PRKCB: variants seen among roughly 807,000 people sequenced by gnomAD.
PRKCB encodes the protein protein kinase C beta, also known as protein kinase C beta type.
PRKCB carries 13 observed loss-of-function variants against 81.5 expected under a neutral mutation model. That is an observed-to-expected ratio of 0.16 (90% CI 0.10 to 0.25). The LOEUF is 0.25. PRKCB is among the 10% of genes least tolerant of loss of function. The pLI is 1.00. For missense variants in PRKCB, 509 were observed against 875.7 expected, an observed-to-expected ratio of 0.58 and a Z score of 5.29; for synonymous variants, 335 against 321.4, an observed-to-expected ratio of 1.04 and a Z score of -0.45.
intron 3 of PRKCB, among the ~76,000 whole-genome samples, chr16:23,991,690 G>A (rs1388300123): frequency 6.6e-6 from 1 of 152,214 alleles, no homozygotes; most frequent in African/African-American, 2.4e-5. Flanking sequence ...TCAAGAACCT[G>A]TTTCTCCCCT....
chr16:24,059,825 G>A (rs1441130950), intron 5 of PRKCB, among the ~76,000 whole-genome samples: 1 of 152,200 alleles, frequency 6.6e-6, no homozygotes, highest in Non-Finnish European at 1.5e-5. Context: ...ATAAACACGA[G>A]GCTAAGAATT....
intron 2 of PRKCB, among the ~76,000 whole-genome samples, chr16:23,932,417 T>A (rs1020031378): frequency 6.6e-6 from 1 of 152,208 alleles, no homozygotes. Context: ...GAGGAACCTA[T>A]GCATTTCCTA....
rs536990212 is a variant in PRKCB, at chr16:24,035,298, T to C, written c.401-121T>C. The C allele has an allele frequency of 1.9e-4, 245 of 1,318,004 alleles. 2 individuals are homozygous for C. In the East Asian group the frequency reaches 5.8e-3, roughly 31 times the overall value. 81.6% of individuals were successfully genotyped at this position (1,318,004 alleles called of 1,614,324 possible). A position where few individuals can be genotyped will look rare whatever the true frequency, so the allele number is the denominator to read the frequency against. ...GGCAAGTTGGTCTCAGCCAGGCTCG[T>C]GTGTCTCAGCTGTCTCAAAGGAGGG... On this transcript the variant is annotated intron_variant, in intron 4 of 16. Coordinates refer to ENST00000643927, the MANE Select transcript of PRKCB (RefSeq NM_002738.7).
At position 23,846,608 on chromosome 16, in the gene PRKCB, CAA is replaced by C. The variant is rs33919504; in HGVS notation, c.205+9225_205+9226del. 8.5e-3 allele frequency among the ~76,000 whole-genome samples: 553 copies of C among 65,318 alleles called. 3 individuals carry two copies. Among genetic ancestry groups the C allele is most frequent in the African/African-American group, 0.029 (487 of 16,622 alleles). The allele number at this position is 65,318 out of a possible 152,430, so 42.9% of individuals were successfully genotyped here. A position where few individuals can be genotyped will look rare whatever the true frequency, so the allele number is the denominator to read the frequency against. Reference sequence around the variant, plus strand: ...CTGGCGACAGAGCGAGACTCCGTCTCAAAAAAAAAAAAAAAAAAAAAAAAGTT... The same window carrying C: ...CTGGCGACAGAGCGAGACTCCGTCTCAAAAAAAAAAAAAAAAAAAAAAGTT... On this transcript the variant is annotated intron_variant, in intron 2 of 16. Transcript: ENST00000643927.
chr16:24,026,886 C>T (rs1033752330), intron 3 of PRKCB, among the ~76,000 whole-genome samples: 22 of 152,264 alleles, frequency 1.4e-4, no homozygotes, highest in Admixed American at 3.3e-4. Flanking sequence ...CTGGCCAATC[C>T]GTGTCTTGGA....
chr16:24,165,889 T>TC (rs1271149403), intron 10 of PRKCB, among the ~76,000 whole-genome samples: 12 of 132,184 alleles, frequency 9.1e-5, no homozygotes, highest in Admixed American at 4.3e-4. Context: ...CTTTCTTTTT[T>TC]TTTTTTTTTT....
Position 24,093,025 on chromosome 16 carries a change from C to T in PRKCB, c.686+78C>T, listed in dbSNP as rs948066479. ...CACCTGAAATCAGGGAGTTCCTCCTCCCTTAGCTCCTGTTTCCTTCCTTCC... is the reference window on the plus strand; with the variant it reads ...CACCTGAAATCAGGGAGTTCCTCCTTCCTTAGCTCCTGTTTCCTTCCTTCC... On this transcript the variant is annotated intron_variant, in intron 6 of 16. Transcript: ENST00000643927. The T allele has an allele frequency of 3.5e-6, 5 of 1,446,800 alleles. No homozygotes were observed. In the Admixed American group the frequency reaches 5.9e-5, roughly 17 times the overall value. 89.6% of individuals were successfully genotyped at this position (1,446,800 alleles called of 1,614,324 possible).
At chr16:24,185,613 C>T in intron 15 of PRKCB, 46 bp downstream of exon 15, 1 of 1,501,220 alleles carries the variant, frequency 6.7e-7, no homozygotes, top group Non-Finnish European at 9.3e-7. Flanking sequence ...CACATAAAGG[C>T]ATGTGGGCTG....
intron 2 of PRKCB, among the ~76,000 whole-genome samples, chr16:23,958,554 C>T (rs772209917): frequency 6.6e-5 from 10 of 150,434 alleles, no homozygotes; most frequent in East Asian, 4.0e-4. Flanking sequence ...CCACCCACCT[C>T]GGCCTCCCAA....
intron 2 of PRKCB, among the ~76,000 whole-genome samples, chr16:23,956,556 C>T (rs914822285): frequency 6.6e-6 from 1 of 152,108 alleles, no homozygotes. Flanking sequence ...TTCCATAGAA[C>T]AATTCTTAGA....
intron 5 of PRKCB, among the ~76,000 whole-genome samples, chr16:24,090,586 G>A (rs1966364297): frequency 6.6e-6 from 1 of 152,132 alleles, no homozygotes; most frequent in Admixed American, 6.6e-5. Context: ...ATTGAATCTG[G>A]ATATGAATGG....
intron 3 of PRKCB, among the ~76,000 whole-genome samples, chr16:24,008,408 A>G (rs1199482688): frequency 6.6e-6 from 1 of 152,240 alleles, no homozygotes; most frequent in Admixed American, 6.5e-5. Context: ...TCTCCCAAAC[A>G]GGATCAAATT....
At chr16:23,969,768 TGAAGTCCATGCCACCAGGCCTCTCGG>T (rs1964532456) in intron 2 of PRKCB, among the ~76,000 whole-genome samples, 1 of 152,206 alleles carries the variant, frequency 6.6e-6, no homozygotes, top group African/African-American at 2.4e-5. Flanking sequence ...CTCTGTGGGA[TGAAGTCCATGCCACCAGGCCTCTCGG>T]GAACTTCATT....
chr16:23,836,771 G>GGGC (rs1555477166), intron 1 of PRKCB, among the ~76,000 whole-genome samples: 1 of 151,292 alleles, frequency 6.6e-6, no homozygotes, highest in Non-Finnish European at 1.5e-5. Flanking sequence ...TTGTTTCCGG[G>GGGC]GGGGGCGGCG....
At chr16:23,909,571 T>C (rs546213787) in intron 2 of PRKCB, among the ~76,000 whole-genome samples, 90 of 152,314 alleles carry the variant, frequency 5.9e-4, no homozygotes, top group African/African-American at 2.1e-3. Flanking sequence ...ATCACCCAAA[T>C]AATGTACATT....
intron 9 of PRKCB, among the ~76,000 whole-genome samples, chr16:24,142,548 G>A (rs1966916297): frequency 1.3e-5 from 2 of 152,196 alleles, no homozygotes; most frequent in Admixed American, 1.3e-4. Context: ...GCCTGGCACA[G>A]GCAGCCTCCC....
At chr16:24,037,527 T>G (rs1567352746) in intron 5 of PRKCB, among the ~76,000 whole-genome samples, 1 of 152,220 alleles carries the variant, frequency 6.6e-6, no homozygotes, top group Non-Finnish European at 1.5e-5. Context: ...CTAGGTCTGT[T>G]TGACTCAAAA....
At chr16:24,044,463 C>T (rs1172801839) in intron 5 of PRKCB, among the ~76,000 whole-genome samples, 2 of 152,112 alleles carry the variant, frequency 1.3e-5, no homozygotes, top group Non-Finnish European at 2.9e-5. Flanking sequence ...AGAATTCAAG[C>T]TGTAAGATTA....
chr16:23,991,986 G>A (rs543698605), intron 3 of PRKCB, among the ~76,000 whole-genome samples: 1 of 152,344 alleles, frequency 6.6e-6, no homozygotes. Context: ...GGGCCCCTTG[G>A]GAGGTGATCA....
Sources: gnomAD v4.1 joint callset for allele counts (sites outside exome capture counted in the v4.1 genomes callset) on GRCh38, gnomAD v4.1.1 for gene constraint, MANE v1.5 for transcripts, NCBI Gene and HGNC (gene_info 2026-07-23, HGNC 2026-07-21) for gene names.